Variants in FANCA observed in about 807,000 individuals in gnomAD.
FANCA encodes the protein FA complementation group A.
A neutral mutation model predicts 194.3 loss-of-function variants in FANCA; 236 were observed. The ratio of observed to expected loss-of-function variants is 1.21; its 90% confidence interval spans 1.09 to 1.35. The LOEUF is 1.35. Ranked by LOEUF, FANCA falls within the 40% of genes most tolerant of loss-of-function variation. The pLI, the probability that FANCA is intolerant of heterozygous loss-of-function variation, is 0.00. For missense variants in FANCA, 2,628 were observed against 1,813.9 expected, an observed-to-expected ratio of 1.45 and a Z score of -8.15; for synonymous variants, 1,014 against 715.8, an observed-to-expected ratio of 1.42 and a Z score of -6.65.
intron 3 of FANCA, 34 bp from the exon 4 acceptor site, chr16:89,811,105 A>C (rs2040862604): frequency 6.2e-7 from 1 of 1,613,238 alleles, no homozygotes; most frequent in African/African-American, 1.3e-5. Context: ...GCTTTCTCTT[A>C]ACACATGAGA....
chr16:89,769,407 T>C (rs1250902298), intron 26 of FANCA, among the ~76,000 whole-genome samples: 1 of 152,102 alleles, frequency 6.6e-6, no homozygotes, highest in Non-Finnish European at 1.5e-5. Context: ...CCTCAGCACA[T>C]GGCCCCATCT....
At chr16:89,813,320 A>G (rs1309545917) in intron 3 of FANCA, among the ~76,000 whole-genome samples, 1 of 151,370 alleles carries the variant, frequency 6.6e-6, no homozygotes, top group Non-Finnish European at 1.5e-5. Flanking sequence ...GGGTGGGAGG[A>G]TCACTTGAGG....
intron 5 of FANCA, among the ~76,000 whole-genome samples, chr16:89,810,221 G>A (rs1435782186): frequency 1.3e-5 from 2 of 151,316 alleles, no homozygotes; most frequent in African/African-American, 4.9e-5. Flanking sequence ...TACTCGGGAG[G>A]CTGAGGCAGG....
intron 10 of FANCA, 28 bp downstream of exon 10, chr16:89,799,138 C>G (rs772340508): frequency 2.5e-6 from 4 of 1,614,188 alleles, no homozygotes; most frequent in Non-Finnish European, 3.4e-6. Flanking sequence ...CTGCTGCACA[C>G]TCAGGCAGGC....
At chr16:89,783,321 C>T (rs1436674848) in intron 15 of FANCA, among the ~76,000 whole-genome samples, 2 of 151,994 alleles carry the variant, frequency 1.3e-5, no homozygotes, top group South Asian at 2.1e-4. Flanking sequence ...GAGGCTGAGG[C>T]GGGCAGATCA....
intron 8 of FANCA, among the ~76,000 whole-genome samples, chr16:89,801,655 C>CA (rs761348167): frequency 1.3e-5 from 2 of 152,036 alleles, no homozygotes; most frequent in Non-Finnish European, 2.9e-5. Flanking sequence ...TTCAGGAGGC[C>CA]AAGGCAGGCA....
intron 5 of FANCA, among the ~76,000 whole-genome samples, chr16:89,808,659 T>C (rs1284935173): frequency 1.3e-5 from 2 of 152,150 alleles, no homozygotes; most frequent in Non-Finnish European, 2.9e-5. Flanking sequence ...TTCTCCACAC[T>C]ACAGCCAACA....
chr16:89,807,130 T>C (rs2052438754), intron 6 of FANCA, among the ~76,000 whole-genome samples: 1 of 152,202 alleles, frequency 6.6e-6, no homozygotes, highest in African/African-American at 2.4e-5. Context: ...CCATTTTTGC[T>C]TCATAGATTT....
intron 11 of FANCA, among the ~76,000 whole-genome samples, chr16:89,795,193 G>C (rs995595924): frequency 2.6e-5 from 4 of 151,770 alleles, no homozygotes; most frequent in East Asian, 1.9e-4. Flanking sequence ...GCTGAGGCAG[G>C]AGAATGGTTT....
At position 89,740,846 on chromosome 16, in the gene FANCA, G is replaced by A. The variant is rs2062115605; in HGVS notation, c.3786C>T (p.Phe1262=). The A allele has an allele frequency of 1.9e-6, 3 of 1,613,420 alleles. No homozygotes were observed. Among genetic ancestry groups the A allele is most frequent in the East Asian group, 2.2e-5 (1 of 44,866 alleles). Residue 1262 remains phenylalanine (F), a synonymous_variant, in exon 38 of 43, where the codon TTC becomes TTT. Transcript: ENST00000389301. ...EREELLVFLF[F]FSLMGLLSSH... ...ACGACAGCAGGCCCATCAAGGAGAA[G>A]AAGAAAAGGAAAACCAATAGCTGTA... is the stretch of plus-strand genomic sequence containing the variant.
At chr16:89,779,758 G>C (rs2039637732) in intron 18 of FANCA, 111 bp downstream of exon 18, 2 of 895,654 alleles carry the variant, frequency 2.2e-6, no homozygotes, top group Non-Finnish European at 3.7e-6. Context: ...CATCAGAGCG[G>C]AGTCTGCACA....
rs957489219 is a variant in FANCA at position 89,815,806 on chromosome 16, G to C, written c.189+71C>G. On this transcript the variant is annotated intron_variant, in intron 2 of 42. Coordinates refer to ENST00000389301, the MANE Select transcript of FANCA (RefSeq NM_000135.4). ...CCGCCTCGGGTGTTTTCTTAGGAAA[G>C]CTGTGCGGTGGCTGGACTCAAAAAC... The C allele has an allele frequency of 2.9e-5, 35 of 1,203,260 alleles. No individual in the cohort carries two copies. In the African/African-American group the frequency reaches 3.9e-4, roughly 13 times the overall value. The allele number at this position is 1,203,260 out of a possible 1,614,324, so 74.5% of individuals were successfully genotyped here.
chr16:89,803,182 G>A, intron 8 of FANCA, 77 bp downstream of exon 8: 1 of 1,333,350 alleles, frequency 7.5e-7, no homozygotes, highest in Non-Finnish European at 1.1e-6. Context: ...TCAATAGAGA[G>A]ACACGTAAAT....
chr16:89,791,027 T>G lies in FANCA; in HGVS notation c.1359+376A>C, dbSNP rs867996799. The stretch of plus-strand genomic sequence containing the variant: ...GTTTTGTGTGTGTGTGTGTGTGTTT[T>G]TTTTTTTTTTTTTTTTTTTTTGGTG... On this transcript the variant is annotated intron_variant, in intron 14 of 42. Transcript: ENST00000389301. 1.6e-3 allele frequency: 250 copies of G among 153,366 alleles called. 6 individuals carry two copies. Among genetic ancestry groups the G allele is most frequent in the East Asian group, 6.2e-3 (36 of 5,780 alleles). The allele number at this position is 153,366 out of a possible 1,614,324, so 9.5% of individuals were successfully genotyped here.
chr16:89,770,129 G>T, intron 25 of FANCA, 37 bp downstream of exon 25: 1 of 1,571,242 alleles, frequency 6.4e-7, no homozygotes, highest in East Asian at 2.3e-5. Flanking sequence ...CCTCAGAGTG[G>T]GCCCCCAAGG....
At position 89,770,240 on chromosome 16, in the gene FANCA, G is replaced by C; in HGVS notation, c.2242C>G (p.Leu748Val). 2 of 1,581,796 alleles carry C rather than the reference G, an allele frequency of 1.3e-6. No homozygotes were observed. The highest frequency in any genetic ancestry group is 2.3e-5 in the South Asian group (2 of 86,386). The change falls in exon 25 of 43, where the codon CTC becomes GTC. Residue 748 changes from leucine (L) to valine (V), a missense_variant. Transcript: ENST00000389301. ...CGTCCACACATGGTCCTCACGAAGA[G>C]GGCAGCCCAGGGACCCTGCCTGCAG... ...PPERQGPWAA[L>V]FVRTMCGRVL... is the part of the protein sequence containing the mutation.
rs915407028 is a variant in FANCA at position 89,799,546 on chromosome 16, C to A, written c.826+59G>T. Reference sequence around the variant, plus strand: ...CAAATGGAAAGGCAGAAAACTGATACAATTGCTAATAAGCAAACTAAGTCA... The same window carrying A: ...CAAATGGAAAGGCAGAAAACTGATAAAATTGCTAATAAGCAAACTAAGTCA... On this transcript the variant is annotated intron_variant, in intron 9 of 42. Coordinates refer to ENST00000389301, the MANE Select transcript of FANCA (RefSeq NM_000135.4). 12 of 1,477,202 alleles carry A rather than the reference C, an allele frequency of 8.1e-6. No homozygotes were observed. In the Admixed American group the frequency reaches 1.2e-4, roughly 14 times the overall value. The allele number at this position is 1,477,202 out of a possible 1,614,324, so 91.5% of individuals were successfully genotyped here. A position where few individuals can be genotyped will look rare whatever the true frequency, so the allele number is the denominator to read the frequency against.
intron 37 of FANCA, among the ~76,000 whole-genome samples, chr16:89,742,588 T>TC (rs918984091): frequency 1.4e-5 from 2 of 143,784 alleles, no homozygotes; most frequent in African/African-American, 5.3e-5. Flanking sequence ...GGCGGGAGGA[T>TC]CACGGGGTCA....
rs757095786 is a variant in FANCA at position 89,770,587 on chromosome 16, G to T, written c.2199C>A (p.Ala733=). ...LTSFCQNLMA[A]SSVAPPERQG... is the part of the protein sequence containing the mutation. ...ACCTCTCCGGGGGAGCGACACTGGAGGCAGCCATCAGGTTCTGACAGAAAG... is the reference window on the plus strand; with the variant it reads ...ACCTCTCCGGGGGAGCGACACTGGATGCAGCCATCAGGTTCTGACAGAAAG... Residue 733 remains alanine (A), a synonymous_variant, in exon 24 of 43, where the codon GCC becomes GCA. Coordinates refer to ENST00000389301, the MANE Select transcript of FANCA (RefSeq NM_000135.4). The T allele has an allele frequency of 1.2e-6, 2 of 1,611,720 alleles. No homozygotes were observed. The highest frequency in any genetic ancestry group is 1.7e-6 in the Non-Finnish European group (2 of 1,179,052).
Sources: gnomAD v4.1 joint callset for allele counts (sites outside exome capture counted in the v4.1 genomes callset) on GRCh38, gnomAD v4.1.1 for gene constraint, MANE v1.5 for transcripts, NCBI Gene and HGNC (gene_info 2026-07-23, HGNC 2026-07-21) for gene names.